Variants in NUP214 observed in about 807,000 individuals in gnomAD.
NUP214 encodes nuclear pore complex protein Nup214.
Under a neutral mutation model 196.2 loss-of-function variants are expected in NUP214, and 79 were observed. That is an observed-to-expected ratio of 0.40 (90% CI 0.34 to 0.49). NUP214 has a LOEUF of 0.49. Among genes scored for constraint, NUP214 ranks in the 20% least tolerant of loss-of-function variants. The pLI is 0.58. For missense variants in NUP214, 2,468 were observed against 2,539.0 expected (o/e 0.97, Z 0.60); for synonymous variants, 1,020 against 990.5 (o/e 1.03, Z -0.56).
rs1832080287 is a variant in NUP214 at position 131,146,109 on chromosome 9, T to C, written c.1770-20T>C. On this transcript the variant is annotated intron_variant, in intron 12 of 35. Coordinates refer to ENST00000359428, the MANE Select transcript of NUP214 (RefSeq NM_005085.4). The surrounding 1 kb of genome is among the most constrained non-coding windows in gnomAD (Gnocchi z 4.6). Reference sequence around the variant, plus strand: ...TCTTCTAGCAGGCTCTTCTGAGGCCTTCAGGCTGCCATTTTTCAGGTTTAC... The same window carrying C: ...TCTTCTAGCAGGCTCTTCTGAGGCCCTCAGGCTGCCATTTTTCAGGTTTAC... The C allele has an allele frequency of 6.2e-7, 1 of 1,613,712 alleles. No homozygotes were observed. The highest frequency in any genetic ancestry group is 8.5e-7 in the Non-Finnish European group (1 of 1,179,686).
chr9:131,126,265 T>C (rs1257836531), intron 1 of NUP214: 2 of 156,336 alleles, frequency 1.3e-5, no homozygotes, highest in African/African-American at 4.8e-5. Context: ...TTGATTGGAC[T>C]AGGAAGACTA....
chr9:131,151,660 C>G, intron 16 of NUP214, 76 bp from the exon 17 acceptor site: 1 of 1,175,300 alleles, frequency 8.5e-7, no homozygotes, highest in Non-Finnish European at 1.2e-6. Flanking sequence ...TTGAGAAACA[C>G]CACCTTCCTT....
chr9:131,206,953 T>C (rs914663211), intron 30 of NUP214, among the ~76,000 whole-genome samples: 2 of 152,220 alleles, frequency 1.3e-5, no homozygotes, highest in South Asian at 4.1e-4. Context: ...TTTTCTATGA[T>C]GGCAGGGGCC....
At chr9:131,133,288 G>A in intron 7 of NUP214, 79 bp downstream of exon 7, 3 of 721,806 alleles carry the variant, frequency 4.2e-6, no homozygotes, top group Non-Finnish European at 6.3e-6. Context: ...ATTTCAAGGG[G>A]TTTTTTTGTG....
chr9:131,127,826 A>G, intron 2 of NUP214, 107 bp downstream of exon 2: 2 of 816,718 alleles, frequency 2.4e-6, no homozygotes, highest in Non-Finnish European at 3.9e-6. Flanking sequence ...CACTGCTGTC[A>G]GTTTGAAGGT....
intron 11 of NUP214, among the ~76,000 whole-genome samples, chr9:131,143,405 G>T (rs1831986260): frequency 6.6e-6 from 1 of 151,824 alleles, no homozygotes; most frequent in South Asian, 2.1e-4. Context: ...TCTTAGAAGA[G>T]AAATTACTGG....
At chr9:131,172,701 A>G (rs1832993817) in intron 21 of NUP214, among the ~76,000 whole-genome samples, 1 of 152,186 alleles carries the variant, frequency 6.6e-6, no homozygotes, top group East Asian at 1.9e-4. Context: ...AATTTAAATA[A>G]CCACATATGG....
intron 9 of NUP214, 151 bp downstream of exon 9, chr9:131,136,157 A>C (rs1831721424): frequency 5.0e-6 from 3 of 604,326 alleles, no homozygotes; most frequent in Non-Finnish European, 8.6e-6. Flanking sequence ...TTTGTGCCTC[A>C]GCCTCCCAAG....
In NUP214 at chr9:131,175,493, G is replaced by A. The variant is rs151226597; in HGVS notation, c.3191G>A (p.Gly1064Glu). The change falls in exon 23 of 36, where the codon GGG becomes GAG. Residue 1064 changes from glycine to glutamate, a missense_variant. By Grantham distance (98) the Gly-to-Glu change is moderately conservative. Coordinates refer to ENST00000359428, the MANE Select transcript of NUP214 (RefSeq NM_005085.4). ...ATSASKIIPQ[G>E]ADSTMLATKT... ...TCTGCTAGCAAAATTATTCCTCAAG[G>A]GGCCGATAGCACAATGCTTGCCACG... The A allele has an allele frequency of 4.3e-6, 7 of 1,614,080 alleles. No homozygotes were observed. The African/African-American group carries it at 8.0e-5, about 18-fold the overall frequency.
chr9:131,172,751 A>G (rs1832994978), intron 21 of NUP214, among the ~76,000 whole-genome samples: 1 of 152,252 alleles, frequency 6.6e-6, no homozygotes, highest in Non-Finnish European at 1.5e-5. Flanking sequence ...CGTAGCACAT[A>G]GCATTGGTTT....
intron 4 of NUP214, among the ~76,000 whole-genome samples, chr9:131,130,113 A>C (rs1831485919): frequency 7.2e-6 from 1 of 138,060 alleles, no homozygotes; most frequent in Non-Finnish European, 1.6e-5. Context: ...ATTAAATGGG[A>C]GCAGGAGAAT....
chr9:131,132,755 T>C (rs924159052), intron 6 of NUP214, 96 bp downstream of exon 6: 2 of 1,063,862 alleles, frequency 1.9e-6, no homozygotes, highest in Non-Finnish European at 2.9e-6. Context: ...CAGTGAGGTA[T>C]TGGTGTTTGC....
At chr9:131,127,408 C>A in intron 1 of NUP214, 116 bp from the exon 2 acceptor site, 1 of 784,910 alleles carries the variant, frequency 1.3e-6, no homozygotes, top group Non-Finnish European at 2.1e-6. Flanking sequence ...ACAATTGAGA[C>A]AGACCTTGGT....
In NUP214 at chr9:131,134,945, C is replaced by G. The variant is rs190988762; in HGVS notation, c.879C>G (p.Pro293=). 6.2e-7 allele frequency: 1 copy of G among 1,613,848 alleles called. No individual in the cohort carries two copies. Among genetic ancestry groups the G allele is most frequent in the Non-Finnish European group, 8.5e-7 (1 of 1,179,922 alleles). The change falls in exon 8 of 36, where the codon CCC becomes CCG. Residue 293 remains proline, a synonymous_variant. Coordinates refer to ENST00000359428, the MANE Select transcript of NUP214 (RefSeq NM_005085.4). ...AGATATTTGTGAACTTTATGGAGCC[C>G]TGTTATGGCAGCTGCACGGAGAGAC... ...HPEIFVNFME[P]CYGSCTERQH... is the part of the protein sequence containing the mutation.
At chr9:131,130,745 G>C in intron 4 of NUP214, 21 bp from the exon 5 acceptor site, 1 of 1,611,120 alleles carries the variant, frequency 6.2e-7, no homozygotes, top group Non-Finnish European at 8.5e-7. Context: ...GTTTTCATTT[G>C]GTAATACTGT....
chr9:131,181,756 T>C (rs989518568), intron 24 of NUP214, among the ~76,000 whole-genome samples: 2 of 152,224 alleles, frequency 1.3e-5, no homozygotes, highest in African/African-American at 4.8e-5. Context: ...TTTGCAAATA[T>C]TTTCTCCCAT....
At chr9:131,222,506 TG>T (rs1041775810) in intron 31 of NUP214, 2 of 302,528 alleles carry the variant, frequency 6.6e-6, no homozygotes, top group Admixed American at 9.6e-5. Flanking sequence ...GCCTTTTCAG[TG>T]GGACCTCTCA....
intron 25 of NUP214, among the ~76,000 whole-genome samples, chr9:131,188,746 G>A (rs1833522492): frequency 6.6e-6 from 1 of 152,168 alleles, no homozygotes; most frequent in Non-Finnish European, 1.5e-5. Context: ...CTACCTAATA[G>A]TCAAGTGCTT....
chr9:131,199,394 A>G (rs933491621), intron 29 of NUP214, among the ~76,000 whole-genome samples: 8 of 152,228 alleles, frequency 5.3e-5, no homozygotes, highest in African/African-American at 1.7e-4. Flanking sequence ...TCAAGCCTCA[A>G]GGAGACTGCT....
Sources: allele counts gnomAD v4.1 joint callset (sites outside exome capture counted in the v4.1 genomes callset), GRCh38; gene constraint gnomAD v4.1.1; non-coding constraint Gnocchi (gnomAD v3.1); transcripts MANE v1.5; gene names NCBI Gene and HGNC (gene_info 2026-07-23, HGNC 2026-07-21).